Variants in UBAC2 observed in about 807,000 individuals in gnomAD.
UBAC2 encodes the protein ubiquitin-associated domain-containing protein 2.
A neutral mutation model predicts 44.0 loss-of-function variants in UBAC2; 26 were observed. The ratio of observed to expected loss-of-function variants is 0.59; its 90% CI spans 0.43 to 0.82. The LOEUF (loss-of-function observed/expected upper bound fraction) is 0.82, where lower values mean the gene tolerates loss of function less well. Among genes scored for constraint, UBAC2 ranks in the 40% least tolerant of loss-of-function variants. UBAC2 has a pLI of 0.00. For synonymous variants in UBAC2, 155 were observed against 154.3 expected (o/e 1.00, Z -0.04); for missense variants, 329 against 419.4 (o/e 0.78, Z 1.88).
At chr13:99,351,792 GGA>G (rs1446326368) in intron 7 of UBAC2, 1 of 456,590 alleles carries the variant, frequency 2.2e-6, no homozygotes, top group Non-Finnish European at 4.4e-6. Context: ...GCAAAGCCCA[GGA>G]GTCCTTGGTG....
At chr13:99,274,325 C>T (rs1306565130) in intron 4 of UBAC2, among the ~76,000 whole-genome samples, 3 of 151,912 alleles carry the variant, frequency 2.0e-5, no homozygotes, top group Non-Finnish European at 4.4e-5. Flanking sequence ...CACCATCTAT[C>T]CATTCTACTG....
intron 2 of UBAC2, among the ~76,000 whole-genome samples, chr13:99,241,045 C>T (rs1050911704): frequency 6.6e-6 from 1 of 152,038 alleles, no homozygotes; most frequent in Non-Finnish European, 1.5e-5. Context: ...GGATGGATTG[C>T]TTGAGCCCAG....
intron 7 of UBAC2, among the ~76,000 whole-genome samples, chr13:99,355,421 G>A (rs971506799): frequency 2.0e-5 from 3 of 152,190 alleles, no homozygotes; most frequent in Non-Finnish European, 4.4e-5. Context: ...GCTTACAGGT[G>A]TGTCACTCAG....
chr13:99,318,414 G>T (rs564370027), intron 6 of UBAC2, among the ~76,000 whole-genome samples: 1 of 151,350 alleles, frequency 6.6e-6, no homozygotes, highest in Admixed American at 6.6e-5. Flanking sequence ...TGTTCTGCCC[G>T]CCTCAGCCTC....
chr13:99,256,027 C>A, intron 4 of UBAC2: 2 of 632,658 alleles, frequency 3.2e-6, no homozygotes, highest in Non-Finnish European at 5.3e-6. Flanking sequence ...AATCAAGGAA[C>A]GATTCAACTG....
chr13:99,270,743 C>G (rs79237042), intron 4 of UBAC2, among the ~76,000 whole-genome samples: 2,249 of 152,148 alleles, frequency 0.015, 57 homozygotes, highest in African/African-American at 0.052. Context: ...CAGTACATTG[C>G]GTACTTTTAT....
chr13:99,372,688 AAGAG>A (rs2045423472), intron 8 of UBAC2: 1 of 152,626 alleles, frequency 6.6e-6, no homozygotes, highest in African/African-American at 2.4e-5. Flanking sequence ...GTAGACAAGA[AAGAG>A]GAGGAGGAGG....
chr13:99,385,246 A>G lies in UBAC2; in HGVS notation c.946A>G (p.Met316Val). Residue 316 changes from methionine to valine, a missense_variant, in exon 9 of 9, where the codon ATG becomes GTG. By Grantham distance (21) the Met-to-Val change is conservative (BLOSUM62 1). Coordinates refer to ENST00000403766, the MANE Select transcript of UBAC2 (RefSeq NM_001144072.2). ...SEEQVARLME[M>V]GFSRGDALEA... is the part of the protein sequence containing the mutation. ...CCTGCAGGTCGCCCGGCTCATGGAG[A>G]TGGGATTTTCCAGAGGTGATGCTTT... The G allele has an allele frequency of 2.5e-6, 4 of 1,613,990 alleles. No homozygotes were observed. Among genetic ancestry groups the G allele is most frequent in the East Asian group, 2.2e-5 (1 of 44,880 alleles).
chr13:99,227,603 A>G (rs1376688425), intron 1 of UBAC2, among the ~76,000 whole-genome samples: 1 of 152,100 alleles, frequency 6.6e-6, no homozygotes, highest in East Asian at 1.9e-4. Context: ...CACAGGTTTT[A>G]TTTTCCCTAG....
intron 1 of UBAC2, among the ~76,000 whole-genome samples, chr13:99,228,273 T>C (rs1248707918): frequency 6.6e-6 from 1 of 150,938 alleles, no homozygotes; most frequent in Non-Finnish European, 1.5e-5. Flanking sequence ...GTAGGAGCAA[T>C]ATTCTCTATA....
chr13:99,303,456 G>A (rs1265419180), intron 4 of UBAC2, among the ~76,000 whole-genome samples: 1 of 152,184 alleles, frequency 6.6e-6, no homozygotes, highest in Non-Finnish European at 1.5e-5. Context: ...CACCTATGTG[G>A]CTTTTGGTGG....
intron 1 of UBAC2, among the ~76,000 whole-genome samples, chr13:99,232,367 G>T (rs1378148438): frequency 1.5e-5 from 2 of 130,122 alleles, no homozygotes; most frequent in Non-Finnish European, 3.3e-5. Flanking sequence ...AGTAGCTTTT[G>T]AACACAAGAC....
chr13:99,309,994 A>G (rs935282247), intron 4 of UBAC2, among the ~76,000 whole-genome samples: 1 of 152,230 alleles, frequency 6.6e-6, no homozygotes, highest in Admixed American at 6.5e-5. Context: ...ATCGAGTGCG[A>G]TCATGAATAT....
intron 2 of UBAC2, among the ~76,000 whole-genome samples, chr13:99,242,785 CTTCCCAGA>C (rs2043330742): frequency 2.0e-5 from 3 of 149,298 alleles, no homozygotes; most frequent in Non-Finnish European, 3.0e-5. Flanking sequence ...ACGCTCCTCA[CTTCCCAGA>C]CGGGGTGGCT....
intron 1 of UBAC2, among the ~76,000 whole-genome samples, chr13:99,225,759 C>A (rs941954981): frequency 1.3e-5 from 2 of 152,104 alleles, no homozygotes; most frequent in Non-Finnish European, 2.9e-5. Flanking sequence ...TGAAGATGGG[C>A]GGATGGACAA....
intron 6 of UBAC2, among the ~76,000 whole-genome samples, chr13:99,338,039 C>CTTTTTTCTTTTTCT (rs1566509471): frequency 1.1e-5 from 1 of 91,562 alleles, no homozygotes; most frequent in African/African-American, 5.0e-5. Flanking sequence ...AACTTTTTTT[C>CTTTTTTCTTTTTCT]TTTTTTTCTT....
chr13:99,213,004 G>A (rs1382809146), intron 1 of UBAC2, among the ~76,000 whole-genome samples: 1 of 152,112 alleles, frequency 6.6e-6, no homozygotes, highest in Non-Finnish European at 1.5e-5. Context: ...CCACGCCCAC[G>A]TAACCATTGT....
intron 8 of UBAC2, among the ~76,000 whole-genome samples, chr13:99,379,856 G>A (rs1213226833): frequency 6.6e-6 from 1 of 152,126 alleles, no homozygotes; most frequent in Admixed American, 6.5e-5. Context: ...TTACCCAGAG[G>A]GTATCTGCAC....
chr13:99,350,975 C>T (rs374560491), intron 7 of UBAC2, among the ~76,000 whole-genome samples: 3 of 152,078 alleles, frequency 2.0e-5, no homozygotes, highest in Admixed American at 2.0e-4. Context: ...TGTGTTGAGT[C>T]GTGTGTGAGT....
Sources: gnomAD v4.1 joint callset for allele counts (sites outside exome capture counted in the v4.1 genomes callset) on GRCh38, gnomAD v4.1.1 for gene constraint, MANE v1.5 for transcripts, NCBI Gene and HGNC (gene_info 2026-07-23, HGNC 2026-07-21) for gene names.